The following PAAF1 variants were observed in gnomAD, a reference collection of about 807,000 sequenced individuals.
PAAF1 encodes proteasomal ATPase associated factor 1, also known as proteasomal ATPase-associated factor 1.
In PAAF1, 46 loss-of-function variants were observed where a neutral mutation model predicts 52.8. The ratio of observed to expected loss-of-function variants is 0.87; its 90% confidence interval spans 0.69 to 1.11. The LOEUF (loss-of-function observed/expected upper bound fraction) is 1.11, where lower values mean the gene tolerates loss of function less well. Ranked by LOEUF, PAAF1 falls within the 50% of genes most tolerant of loss-of-function variation. The pLI is 0.00. For missense variants in PAAF1, 424 were observed against 477.4 expected (o/e 0.89, Z 1.04); for synonymous variants, 178 against 172.8 (o/e 1.03, Z -0.24).
intron 2 of PAAF1, among the ~76,000 whole-genome samples, chr11:73,882,759 C>T (rs537706548): frequency 6.6e-6 from 1 of 152,216 alleles, no homozygotes; most frequent in Admixed American, 6.5e-5. Flanking sequence ...TCCGCCACCA[C>T]GCCCAGCTAA....
At chr11:73,894,870 G>C (rs1012429676) in intron 4 of PAAF1, among the ~76,000 whole-genome samples, 3 of 152,150 alleles carry the variant, frequency 2.0e-5, no homozygotes, top group Admixed American at 1.3e-4. Flanking sequence ...TGTAGTCCCA[G>C]CTGCTCGAGA....
intron 9 of PAAF1, among the ~76,000 whole-genome samples, chr11:73,918,198 T>C (rs923855093): frequency 1.3e-5 from 2 of 152,082 alleles, no homozygotes; most frequent in Admixed American, 1.3e-4. Context: ...GTATGTTCCC[T>C]GCATATGAGG....
At chr11:73,918,251 C>G (rs10898952) in intron 9 of PAAF1, among the ~76,000 whole-genome samples, 1 of 151,572 alleles carries the variant, frequency 6.6e-6, no homozygotes, top group Non-Finnish European at 1.5e-5. Flanking sequence ...AGGAGCTGCT[C>G]TGACCTTACC....
chr11:73,912,718 A>G (rs1949965053), intron 7 of PAAF1, among the ~76,000 whole-genome samples: 1 of 151,850 alleles, frequency 6.6e-6, no homozygotes, highest in African/African-American at 2.4e-5. Context: ...TGAAATCCTA[A>G]CCCCTTAGCA....
intron 10 of PAAF1, among the ~76,000 whole-genome samples, chr11:73,923,320 A>G (rs892149813): frequency 1.1e-4 from 17 of 152,278 alleles, no homozygotes; most frequent in African/African-American, 4.1e-4. Flanking sequence ...GTCTTTATAT[A>G]TACAAAGTCA....
intron 2 of PAAF1, among the ~76,000 whole-genome samples, chr11:73,884,922 G>A (rs1213179017): frequency 6.8e-6 from 1 of 147,876 alleles, no homozygotes; most frequent in African/African-American, 2.5e-5. Flanking sequence ...TGCAGTGGCG[G>A]GATCTCGGCT....
In PAAF1 at chr11:73,928,210, C is replaced by T. The variant is rs1950408661; in HGVS notation, c.*848C>T. On this transcript the variant is annotated 3_prime_UTR_variant, in exon 12 of 12. Coordinates refer to ENST00000310571, the MANE Select transcript of PAAF1 (RefSeq NM_025155.3). ...GCATTCCAGGTGATTCTGATGTATG[C>T]TAAAGCTTGAGAGCCACTGATCTAG... The T allele has an allele frequency of 6.6e-6, 1 of 152,206 alleles. No individual in the cohort carries two copies. 9.4% of individuals were successfully genotyped at this position (152,206 alleles called of 1,614,324 possible).
In PAAF1 at chr11:73,891,138, G is replaced by A. The variant is rs1431995829; in HGVS notation, c.219G>A (p.Lys73=). The A allele has an allele frequency of 6.2e-7, 1 of 1,601,070 alleles. No homozygotes were observed. Among genetic ancestry groups the A allele is most frequent in the East Asian group, 2.2e-5 (1 of 44,736 alleles). ...NKKSIHISCP[K]ENASSKFLAP... is the part of the protein sequence containing the mutation. ...AAAGCATTCATATTTCATGTCCAAAGGAAAATGCATCTTCTAAGTTTTTGG... is the reference window on the plus strand; with the variant it reads ...AAAGCATTCATATTTCATGTCCAAAAGAAAATGCATCTTCTAAGTTTTTGG... The change falls in exon 4 of 12, where the codon AAG becomes AAA. Residue 73 remains lysine (K), a synonymous_variant. Coordinates refer to ENST00000310571, the MANE Select transcript of PAAF1 (RefSeq NM_025155.3).
chr11:73,901,476 A>G (rs56117405), intron 6 of PAAF1, among the ~76,000 whole-genome samples: 3,032 of 152,318 alleles, frequency 0.02, 99 homozygotes, highest in African/African-American at 0.068. Flanking sequence ...TTCTGGAACC[A>G]TAATACATAT....
chr11:73,925,156 CA>C (rs34408861), intron 11 of PAAF1, among the ~76,000 whole-genome samples: 6,952 of 61,744 alleles, frequency 0.11, 128 homozygotes, highest in Middle Eastern at 0.16. Flanking sequence ...GACTCCATCT[CA>C]AAAAAAAAAA....
chr11:73,890,198 TA>T (rs913482894), intron 3 of PAAF1, among the ~76,000 whole-genome samples: 4 of 152,202 alleles, frequency 2.6e-5, no homozygotes, highest in Admixed American at 2.6e-4. Flanking sequence ...GTATTGGTAT[TA>T]TGCTGGTTAG....
chr11:73,883,525 C>CT (rs908721684), intron 2 of PAAF1, among the ~76,000 whole-genome samples: 54 of 148,596 alleles, frequency 3.6e-4, no homozygotes, highest in South Asian at 2.1e-3. Context: ...TTCTTTCTTT[C>CT]TTTTTTTTTT....
At chr11:73,886,256 C>T (rs989475395) in intron 2 of PAAF1, among the ~76,000 whole-genome samples, 3 of 152,162 alleles carry the variant, frequency 2.0e-5, no homozygotes, top group East Asian at 1.9e-4. Context: ...CTGATCTTCA[C>T]CTTTCATCCT....
chr11:73,896,515 G>A (rs1398287390), intron 4 of PAAF1, among the ~76,000 whole-genome samples: 2 of 150,730 alleles, frequency 1.3e-5, no homozygotes, highest in African/African-American at 4.9e-5. Context: ...GGAGCATGCT[G>A]CCTTCAAGCA....
chr11:73,883,652 G>T (rs1205429614), intron 2 of PAAF1, among the ~76,000 whole-genome samples: 1 of 151,970 alleles, frequency 6.6e-6, no homozygotes, highest in Non-Finnish European at 1.5e-5. Flanking sequence ...GAGTAGTTGG[G>T]ATTACAGGCG....
chr11:73,915,600 C>A (rs1950041482), intron 8 of PAAF1, among the ~76,000 whole-genome samples: 1 of 152,114 alleles, frequency 6.6e-6, no homozygotes. Context: ...AAGAGTGAGA[C>A]CCTGTCTCAA....
intron 7 of PAAF1, among the ~76,000 whole-genome samples, chr11:73,911,171 T>C (rs1213176808): frequency 6.6e-6 from 1 of 152,062 alleles, no homozygotes; most frequent in Non-Finnish European, 1.5e-5. Flanking sequence ...GGCTTACTCT[T>C]GGTGTTATAT....
At chr11:73,897,370 G>A (rs544321249) in intron 4 of PAAF1, among the ~76,000 whole-genome samples, 1 of 149,100 alleles carries the variant, frequency 6.7e-6, no homozygotes, top group East Asian at 2.0e-4. Flanking sequence ...TGGGCGGAGG[G>A]GCTCCTCACT....
chr11:73,891,289 T>G (rs2135146944), intron 4 of PAAF1, 88 bp downstream of exon 4: 1 of 727,846 alleles, frequency 1.4e-6, no homozygotes, highest in East Asian at 2.8e-5. Context: ...AACATATTCA[T>G]AATTAATATG....
Sources: gnomAD v4.1 joint callset for allele counts (sites outside exome capture counted in the v4.1 genomes callset) on GRCh38, gnomAD v4.1.1 for gene constraint, MANE v1.5 for transcripts, NCBI Gene and HGNC (gene_info 2026-07-23, HGNC 2026-07-21) for gene names.